Variants in ISLR2 observed in about 807,000 individuals in gnomAD.
ISLR2 encodes the protein immunoglobulin superfamily containing leucine rich repeat 2.
ISLR2 carries 16 observed loss-of-function variants against 25.5 expected under a neutral mutation model. The observed-to-expected ratio is 0.63, with a 90% CI of 0.43 to 0.95. The LOEUF (loss-of-function observed/expected upper bound fraction) is 0.95, where lower values mean the gene tolerates loss of function less well. ISLR2 is among the 40% of genes least tolerant of loss of function. The probability of loss-of-function intolerance (pLI) is 0.00; values close to 1 mark genes in which losing one functional copy is unlikely to be tolerated. For synonymous variants in ISLR2, 508 were observed against 486.6 expected, an observed-to-expected ratio of 1.04 and a Z score of -0.58; for missense variants, 883 against 1,030.7, an observed-to-expected ratio of 0.86 and a Z score of 1.96.
chr15:74,140,664 C>G (rs115990639), downstream of ISLR2, among the ~76,000 whole-genome samples: 2 of 152,150 alleles, frequency 1.3e-5, no homozygotes, highest in Non-Finnish European at 2.9e-5. Flanking sequence ...TATAAATTGC[C>G]AAGTCTGACC....
chr15:74,128,565 A>C (rs1398652240), upstream of ISLR2: 2 of 456,564 alleles, frequency 4.4e-6, no homozygotes, highest in Admixed American at 2.3e-5. Context: ...CCTGCAGTCC[A>C]GGGAAGCTCT....
chr15:74,130,618 G>A lies in ISLR2; in HGVS notation c.-122G>A, dbSNP rs2072389714. ...GCGGGCGCTGGCGGGACAGGCGCGTGAGGGTGAGTTCGCGTGAATGTGTGT... is the reference window on the plus strand; with the variant it reads ...GCGGGCGCTGGCGGGACAGGCGCGTAAGGGTGAGTTCGCGTGAATGTGTGT... On this transcript the variant is annotated 5_prime_UTR_variant, in exon 1 of 3. Coordinates refer to ENST00000453268, the MANE Select transcript of ISLR2 (RefSeq NM_020851.3). The A allele has an allele frequency of 6.6e-6, 1 of 152,568 alleles. No homozygotes were observed. Among genetic ancestry groups the A allele is most frequent in the Admixed American group, 6.5e-5 (1 of 15,290 alleles). 9.5% of individuals were successfully genotyped at this position (152,568 alleles called of 1,614,324 possible).
At chr15:74,114,391 A>G (rs1177491365) in intron 2 of ISLR2, among the ~76,000 whole-genome samples, 1 of 152,228 alleles carries the variant, frequency 6.6e-6, no homozygotes, top group East Asian at 1.9e-4. Context: ...TATATATGAA[A>G]GTTCAAAGAA....
At chr15:74,122,792 G>A (rs1595940847) in intron 2 of ISLR2, among the ~76,000 whole-genome samples, 1 of 152,328 alleles carries the variant, frequency 6.6e-6, no homozygotes, top group East Asian at 1.9e-4. Flanking sequence ...CTTTGATGGG[G>A]ACAGTGGAGG....
chr15:74,103,861 C>T (rs948941258), exon 2 of ISLR2: 19 of 149,094 alleles, frequency 1.3e-4, no homozygotes, highest in Non-Finnish European at 1.5e-4. Context: ...CCCCTTTGCT[C>T]GGCTCTCCTT....
chr15:74,107,280 A>T (rs142312110), intron 2 of ISLR2, among the ~76,000 whole-genome samples: 1 of 152,324 alleles, frequency 6.6e-6, no homozygotes, highest in African/African-American at 2.4e-5. Flanking sequence ...ACCAGATCCC[A>T]GGAACTGATC....
At chr15:74,108,817 ATGT>A in intron 2 of ISLR2, among the ~76,000 whole-genome samples, 1 of 152,102 alleles carries the variant, frequency 6.6e-6, no homozygotes, top group East Asian at 1.9e-4. Flanking sequence ...GCTGGATGCA[ATGT>A]AGGGCCTCGC....
In ISLR2 at chr15:74,133,096, T is replaced by C. The variant is rs1042973947; in HGVS notation, c.342T>C (p.Phe114=). ...TGAGCCACAACTTCATATCCAGCTT[T>C]CCGTGGAGCGACCTGCGCAACCTGA... ...LDLSHNFISS[F]PWSDLRNLSA... is the part of the protein sequence containing the mutation. Residue 114 remains phenylalanine (F), a synonymous_variant, in exon 3 of 3, where the codon TTT becomes TTC. Transcript: ENST00000453268. 3.1e-6 allele frequency: 5 copies of C among 1,612,700 alleles called. No homozygotes were observed. Among genetic ancestry groups the C allele is most frequent in the Non-Finnish European group, 4.2e-6 (5 of 1,179,980 alleles).
At chr15:74,141,443 G>A (rs779839622), downstream of ISLR2, among the ~76,000 whole-genome samples, 4 of 152,160 alleles carry the variant, frequency 2.6e-5, no homozygotes, top group Non-Finnish European at 5.9e-5. Context: ...GATCATTGTC[G>A]AAATGGGGAG....
In ISLR2 at chr15:74,106,935, G is replaced by A. The variant is rs549600063; in HGVS notation, n.228+3021G>A. 9.2e-5 allele frequency among the ~76,000 whole-genome samples: 14 copies of A among 152,196 alleles called. No homozygotes were observed. In the East Asian group the frequency reaches 2.7e-3, roughly 29 times the overall value. On this transcript the variant is annotated intron_variant and non_coding_transcript_variant, in intron 2 of 3. Coordinates refer to the ISLR2 transcript ENST00000561975. Reference sequence around the variant, plus strand: ...TTCTCTCTCCGCCCCCTTCAGCTCCGAACTCGTACTAGTTGCTCTGATATA... The same window carrying A: ...TTCTCTCTCCGCCCCCTTCAGCTCCAAACTCGTACTAGTTGCTCTGATATA...
upstream of ISLR2, among the ~76,000 whole-genome samples, chr15:74,124,955 G>C (rs1212967612): frequency 6.6e-6 from 1 of 152,138 alleles, no homozygotes; most frequent in African/African-American, 2.4e-5. Context: ...AGCCAGCCTT[G>C]CTTCCTGCTT....
At chr15:74,113,108 T>A (rs1195333186) in intron 2 of ISLR2, among the ~76,000 whole-genome samples, 2 of 152,262 alleles carry the variant, frequency 1.3e-5, no homozygotes, top group East Asian at 3.8e-4. Context: ...GTGTGAAACC[T>A]AGATTCCTCA....
In ISLR2 at chr15:74,135,915, C is replaced by G. The variant is rs556926357; in HGVS notation, c.*923C>G. On this transcript the variant is annotated 3_prime_UTR_variant, in exon 3 of 3. Coordinates refer to ENST00000453268, the MANE Select transcript of ISLR2 (RefSeq NM_020851.3). ...CCAAATCCTTCTGTCCTCCCACCCC[C>G]ACCCCACTTCTGGCCAGTTGGAGTC... 2.4e-5 allele frequency: 4 copies of G among 167,200 alleles called. No individual in the cohort carries two copies. The South Asian group carries it at 6.2e-4, about 26-fold the overall frequency. 10.4% of individuals were successfully genotyped at this position (167,200 alleles called of 1,614,324 possible). A position where few individuals can be genotyped will look rare whatever the true frequency, so the allele number is the denominator to read the frequency against.
At chr15:74,127,076 C>T (rs1321107752), upstream of ISLR2, 2 of 152,048 alleles carry the variant, frequency 1.3e-5, no homozygotes, top group Admixed American at 1.3e-4. Flanking sequence ...GTTTGATGCC[C>T]ATCTGGGCCC....
chr15:74,111,760 T>C (rs1221885507), intron 2 of ISLR2, among the ~76,000 whole-genome samples: 1 of 152,184 alleles, frequency 6.6e-6, no homozygotes, highest in East Asian at 1.9e-4. Flanking sequence ...ATAATGTTCT[T>C]GAAGTGAGAA....
At chr15:74,130,188 G>A (rs2072375666), upstream of ISLR2, 1 of 132,988 alleles carries the variant, frequency 7.5e-6, no homozygotes, top group African/African-American at 2.7e-5. Flanking sequence ...TTCTGGTGTC[G>A]GGTTAGACTA....
At chr15:74,128,125 C>A (rs1481586217), upstream of ISLR2, 1 of 300,428 alleles carries the variant, frequency 3.3e-6, no homozygotes, top group Non-Finnish European at 6.4e-6. Flanking sequence ...ACGTTATAAA[C>A]ATTAGACCCG....
At position 74,133,455 on chromosome 15, in the gene ISLR2, G is replaced by T. The variant is rs1165643328; in HGVS notation, c.701G>T (p.Ser234Ile). The change falls in exon 3 of 3, where the codon AGC (serine) becomes ATC (isoleucine). Residue 234 changes from serine to isoleucine, a missense_variant. Transcript: ENST00000453268. ...RLPALPCAPP[S>I]VHLSAEPPLE... ...CCCGCCCTGCCCTGTGCACCGCCCA[G>T]CGTGCATCTGAGTGCCGAGCCACCG... 1.2e-6 allele frequency: 2 copies of T among 1,611,606 alleles called. No individual in the cohort carries two copies. The highest frequency in any genetic ancestry group is 2.2e-5 in the South Asian group (2 of 91,038).
upstream of ISLR2, among the ~76,000 whole-genome samples, chr15:74,123,223 T>A (rs1210315776): frequency 6.6e-6 from 1 of 151,906 alleles, no homozygotes; most frequent in African/African-American, 2.4e-5. Context: ...CAAGCGGGCC[T>A]CAAGAGATGA....
Sources: gnomAD v4.1 joint callset for allele counts (sites outside exome capture counted in the v4.1 genomes callset) on GRCh38, gnomAD v4.1.1 for gene constraint, MANE v1.5 for transcripts, NCBI Gene and HGNC (gene_info 2026-07-23, HGNC 2026-07-21) for gene names.